FAXC: variants seen among roughly 807,000 people sequenced by gnomAD.
The protein encoded by FAXC is failed axon connections homolog, metaxin like GST domain containing.
A neutral mutation model predicts 41.9 loss-of-function variants in FAXC; 10 were observed. The ratio of observed to expected loss-of-function variants is 0.24; its 90% CI spans 0.15 to 0.41. The LOEUF is 0.41. Ranked by LOEUF, FAXC falls within the 10% of genes least tolerant of loss-of-function variation. FAXC has a pLI of 1.00. For missense variants in FAXC, 399 were observed against 510.9 expected, an observed-to-expected ratio of 0.78 and a Z score of 2.11; for synonymous variants, 183 against 183.8, an observed-to-expected ratio of 1.00 and a Z score of 0.03.
At chr6:99,341,849 C>T (rs1046120445) in intron 2 of FAXC, among the ~76,000 whole-genome samples, 1 of 152,014 alleles carries the variant, frequency 6.6e-6, no homozygotes, top group Non-Finnish European at 1.5e-5. Context: ...TCAGTGAATT[C>T]CAAGGAATCA....
In FAXC at chr6:99,284,771, G is replaced by A. The variant is rs775527980; in HGVS notation, c.941-3318C>T. ...CTACTAAAAAATGCAAAAAGTAGCCGGTTGTGGTAGCAGGCGCCTGTGGTC... is the reference window on the plus strand; with the variant it reads ...CTACTAAAAAATGCAAAAAGTAGCCAGTTGTGGTAGCAGGCGCCTGTGGTC... On this transcript the variant is annotated intron_variant, in intron 5 of 5. Coordinates refer to ENST00000389677, the MANE Select transcript of FAXC (RefSeq NM_032511.4). 2.0e-4 allele frequency among the ~76,000 whole-genome samples: 30 copies of A among 151,924 alleles called. No homozygotes were observed. The East Asian group carries it at 2.1e-3, about 11-fold the overall frequency.
chr6:99,280,893 A>G lies in FAXC; in HGVS notation c.*271T>C. 2.9e-6 allele frequency: 1 copy of G among 346,284 alleles called. No homozygotes were observed. The highest frequency in any genetic ancestry group is 5.9e-5 in the East Asian group (1 of 16,968). 21.5% of individuals were successfully genotyped at this position (346,284 alleles called of 1,614,324 possible). A position where few individuals can be genotyped will look rare whatever the true frequency, so the allele number is the denominator to read the frequency against. On this transcript the variant is annotated 3_prime_UTR_variant, in exon 6 of 6. Transcript: ENST00000389677. ...GCTCTTACACCTGCTCTACCACACA[A>G]TATTATTAATAGTTTTCTAATGAAA...
chr6:99,310,865 G>A (rs1772128966), intron 4 of FAXC, among the ~76,000 whole-genome samples: 1 of 152,178 alleles, frequency 6.6e-6, no homozygotes, highest in Non-Finnish European at 1.5e-5. Flanking sequence ...TTGTAAGCAA[G>A]CAGCTTCTGG....
In FAXC at chr6:99,275,497, G is replaced by A. The variant is rs1263030008; in HGVS notation, c.*5667C>T. 6.6e-6 allele frequency: 1 copy of A among 152,110 alleles called. No homozygotes were observed. The highest frequency in any genetic ancestry group is 1.5e-5 in the Non-Finnish European group (1 of 68,028). The allele number at this position is 152,110 out of a possible 1,614,324, so 9.4% of individuals were successfully genotyped here. ...TAAGGCAATCATCCTTATGAAATTT[G>A]AGCATCCTAGTTTGTCATGGTCCAG... On this transcript the variant is annotated 3_prime_UTR_variant, in exon 6 of 6. Coordinates refer to ENST00000389677, the MANE Select transcript of FAXC (RefSeq NM_032511.4).
chr6:99,325,103 TG>T (rs1562176541), intron 3 of FAXC, among the ~76,000 whole-genome samples: 5 of 50,772 alleles, frequency 9.8e-5, no homozygotes, highest in Admixed American at 8.4e-4. Flanking sequence ...TTTTAAGGTT[TG>T]TTTTTTTTTT....
Position 99,290,842 on chromosome 6 carries a change from T to C in FAXC, c.940+862A>G, listed in dbSNP as rs170269. Among the ~76,000 whole-genome samples, 972 of 151,656 alleles carry C rather than the reference T, an allele frequency of 6.4e-3. 7 individuals carry two copies. The highest frequency in any genetic ancestry group is 0.023 in the African/African-American group (951 of 41,374). On this transcript the variant is annotated intron_variant, in intron 5 of 5. Coordinates refer to ENST00000389677, the MANE Select transcript of FAXC (RefSeq NM_032511.4). ...TTTTTTTTAATTTAAGACGGAGTCT[T>C]GCTCTGTCGCCCAGGCTGGAGTGCA...
chr6:99,326,044 C>G (rs553648387), intron 3 of FAXC, among the ~76,000 whole-genome samples: 1 of 152,334 alleles, frequency 6.6e-6, no homozygotes, highest in South Asian at 2.1e-4. Flanking sequence ...TGGGTACAGG[C>G]TGCATTTGAG....
chr6:99,318,306 C>CACACA (rs147852055), intron 4 of FAXC, among the ~76,000 whole-genome samples: 22 of 135,318 alleles, frequency 1.6e-4, no homozygotes, highest in African/African-American at 6.0e-4. Flanking sequence ...CACACACACA[C>CACACA]AAAATAGAAG....
intron 2 of FAXC, among the ~76,000 whole-genome samples, chr6:99,335,331 A>G (rs1773177929): frequency 6.6e-6 from 1 of 152,258 alleles, no homozygotes; most frequent in Non-Finnish European, 1.5e-5. Context: ...TCTTTTTATT[A>G]AAGACTAACT....
intron 5 of FAXC, among the ~76,000 whole-genome samples, chr6:99,288,268 A>G (rs1771095460): frequency 6.6e-6 from 1 of 152,200 alleles, no homozygotes; most frequent in Non-Finnish European, 1.5e-5. Flanking sequence ...GCACATTTGT[A>G]TGTGTATGTA....
chr6:99,285,002 A>G, intron 5 of FAXC, among the ~76,000 whole-genome samples: 1 of 142,322 alleles, frequency 7.0e-6, no homozygotes, highest in Admixed American at 7.2e-5. Flanking sequence ...ACAATCGGAT[A>G]ACAGTTTCAT....
intron 4 of FAXC, among the ~76,000 whole-genome samples, chr6:99,296,623 C>A (rs531056839): frequency 6.6e-6 from 1 of 152,250 alleles, no homozygotes; most frequent in African/African-American, 2.4e-5. Context: ...GGTGCAGAGC[C>A]CTCCTGACGA....
intron 4 of FAXC, among the ~76,000 whole-genome samples, chr6:99,311,859 C>A (rs1772170511): frequency 6.6e-6 from 1 of 152,180 alleles, no homozygotes; most frequent in Non-Finnish European, 1.5e-5. Flanking sequence ...CTCTTCTCCC[C>A]TCCCTCTTAT....
intron 3 of FAXC, among the ~76,000 whole-genome samples, chr6:99,329,515 C>A (rs776404290): frequency 6.6e-6 from 1 of 152,160 alleles, no homozygotes; most frequent in Admixed American, 6.5e-5. Context: ...GGGCTACATC[C>A]TTGCTGTCTT....
At chr6:99,334,767 A>C in intron 2 of FAXC, 1 of 165,922 alleles carries the variant, frequency 6.0e-6, no homozygotes, top group Non-Finnish European at 1.2e-5. Context: ...CTGCTGCTCA[A>C]AATTATCCAA....
At chr6:99,297,954 G>A (rs905971347) in intron 4 of FAXC, among the ~76,000 whole-genome samples, 2 of 152,188 alleles carry the variant, frequency 1.3e-5, no homozygotes, top group African/African-American at 4.8e-5. Context: ...AGCAGCACCA[G>A]CAGCACCTGA....
At chr6:99,295,036 A>G (rs940862783) in intron 4 of FAXC, among the ~76,000 whole-genome samples, 1 of 152,204 alleles carries the variant, frequency 6.6e-6, no homozygotes, top group Non-Finnish European at 1.5e-5. Context: ...GATAAAGACC[A>G]TATGGAAGAG....
At chr6:99,301,286 C>T (rs900091883) in intron 4 of FAXC, among the ~76,000 whole-genome samples, 1 of 152,210 alleles carries the variant, frequency 6.6e-6, no homozygotes, top group Non-Finnish European at 1.5e-5. Context: ...CTTTGTGATG[C>T]TTCTCTTCAA....
chr6:99,323,516 T>C lies in FAXC; in HGVS notation c.751A>G (p.Ile251Val). Reference sequence around the variant, plus strand: ...ATCTCTTCCTCGGAGAAGCGGCCAATGCCGTGGCCGTGCATCTCGCGTTTC... The same window carrying C: ...ATCTCTTCCTCGGAGAAGCGGCCAACGCCGTGGCCGTGCATCTCGCGTTTC... ...IVKREMHGHG[I>V]GRFSEEEIYM... is the part of the protein sequence containing the mutation. The change falls in exon 4 of 6, where the codon ATT becomes GTT. Residue 251 changes from isoleucine (I) to valine (V), a missense_variant. Around this residue, in one of 3 missense-constraint regions of FAXC, gnomAD observed 239 missense variants for 352.7 expected, o/e 0.68. Transcript: ENST00000389677. The C allele has an allele frequency of 1.2e-6, 2 of 1,614,262 alleles. No homozygotes were observed. The highest frequency in any genetic ancestry group is 1.7e-6 in the Non-Finnish European group (2 of 1,180,056).
Sources: gnomAD v4.1 joint callset for allele counts (sites outside exome capture counted in the v4.1 genomes callset) on GRCh38, gnomAD v4.1.1 for gene constraint, gnomAD v4.1.1 regional missense constraint, MANE v1.5 for transcripts, NCBI Gene and HGNC (gene_info 2026-07-23, HGNC 2026-07-21) for gene names.